The following BICRA variants were observed in gnomAD, a reference collection of about 807,000 sequenced individuals.
BICRA encodes BRD4 interacting chromatin remodeling complex associated protein.
In BICRA, 31 loss-of-function variants were observed where a neutral mutation model predicts 96.9. The ratio of observed to expected loss-of-function variants is 0.32; its 90% CI spans 0.24 to 0.43. The LOEUF (loss-of-function observed/expected upper bound fraction) is 0.43. BICRA is among the 20% of genes least tolerant of loss of function. The probability of loss-of-function intolerance (pLI) is 1.00; values close to 1 mark genes in which losing one functional copy is unlikely to be tolerated. For synonymous variants in BICRA, 1,350 were observed against 1,071.8 expected, an observed-to-expected ratio of 1.26 and a Z score of -5.07; for missense variants, 2,283 against 2,190.3, an observed-to-expected ratio of 1.04 and a Z score of -0.84.
chr19:47,645,564 A>G (rs1972447205), intron 1 of BICRA, among the ~76,000 whole-genome samples: 1 of 152,230 alleles, frequency 6.6e-6, no homozygotes, highest in Non-Finnish European at 1.5e-5. Flanking sequence ...AAAAGGTCAT[A>G]GAGGATCATT....
At chr19:47,632,227 A>G (rs905925690) in intron 1 of BICRA, among the ~76,000 whole-genome samples, 1 of 152,212 alleles carries the variant, frequency 6.6e-6, no homozygotes, top group African/African-American at 2.4e-5. Flanking sequence ...GGGAGCGAGC[A>G]TTTAGACTTT....
intron 1 of BICRA, among the ~76,000 whole-genome samples, chr19:47,626,716 G>A (rs1298231339): frequency 9.3e-6 from 1 of 108,012 alleles, no homozygotes; most frequent in Non-Finnish European, 1.9e-5. Flanking sequence ...CTGCATCCTG[G>A]GTTTTTTTTT....
At chr19:47,685,786 T>TGTGTGTGTGTGTGTGTGTGTGC in intron 7 of BICRA, among the ~76,000 whole-genome samples, 8 of 117,966 alleles carry the variant, frequency 6.8e-5, no homozygotes, top group East Asian at 3.5e-4. Context: ...TGTGTGTGTG[T>TGTGTGTGTGTGTGTGTGTGTGC]GCGCGCGCGC....
Position 47,675,892 on chromosome 19 carries a change from A to G in BICRA, c.126A>G (p.Gln42=), listed in dbSNP as rs763839438. The change falls in exon 5 of 15, where the codon CAA becomes CAG. Residue 42 remains glutamine, a synonymous_variant. Transcript: ENST00000594866. This position sits in a 1 kb window ranked among gnomAD's most constrained non-coding sequence, Gnocchi z 4.7. The part of the protein sequence containing the change: ...DDLLDNPGEA[Q]SAFYEGPGLH... ...TCCTGGATAATCCCGGGGAGGCCCAAAGTGCCTTCTATGAAGGTCCTGGGG... is the reference window on the plus strand; with the variant it reads ...TCCTGGATAATCCCGGGGAGGCCCAGAGTGCCTTCTATGAAGGTCCTGGGG... 11 of 1,608,542 alleles carry G rather than the reference A, an allele frequency of 6.8e-6. No individual in the cohort carries two copies. Among genetic ancestry groups the G allele is most frequent in the South Asian group, 1.1e-5 (1 of 90,044 alleles).
intron 8 of BICRA, 36 bp downstream of exon 8, chr19:47,694,762 C>T (rs956030864): frequency 4.4e-6 from 5 of 1,136,654 alleles, no homozygotes; most frequent in Non-Finnish European, 6.4e-6. Context: ...CCCATCAGCC[C>T]CATCCCATCC....
At chr19:47,640,824 A>G (rs991933311) in intron 1 of BICRA, among the ~76,000 whole-genome samples, 1 of 150,916 alleles carries the variant, frequency 6.6e-6, no homozygotes, top group African/African-American at 2.4e-5. Flanking sequence ...ATTTGAAAAC[A>G]CTTACCCAGT....
chr19:47,679,058 C>A (rs951160335), intron 5 of BICRA: 18 of 325,198 alleles, frequency 5.5e-5, no homozygotes, highest in Non-Finnish European at 8.3e-5. Flanking sequence ...ATGCTGCCAC[C>A]CCTGACTAAT....
Position 47,694,505 on chromosome 19 carries a change from T to A in BICRA, c.2674T>A (p.Ser892Thr). Residue 892 changes from serine to threonine, a missense_variant, in exon 8 of 15, where the codon TCT becomes ACT. Coordinates refer to ENST00000594866, the MANE Select transcript of BICRA (RefSeq NM_001394372.1). Reference sequence around the variant, plus strand: ...CACCTCCTCTGCTGTGGCCTCCTCCTCTGAGACGTCCTCCAGGTTGCCAGC... The same window carrying A: ...CACCTCCTCTGCTGTGGCCTCCTCCACTGAGACGTCCTCCAGGTTGCCAGC... Reference protein sequence around the residue: ...SSTSSAVASSSETSSRLPAPT... With the variant: ...SSTSSAVASSTETSSRLPAPT... The A allele has an allele frequency of 7.7e-7, 1 of 1,301,208 alleles. No homozygotes were observed. Among genetic ancestry groups the A allele is most frequent in the Non-Finnish European group, 1.0e-6 (1 of 989,884 alleles). The allele number at this position is 1,301,208 out of a possible 1,614,324, so 80.6% of individuals were successfully genotyped here. A position where few individuals can be genotyped will look rare whatever the true frequency, so the allele number is the denominator to read the frequency against.
In BICRA at chr19:47,701,391, G is replaced by A. The variant is rs773367025; in HGVS notation, c.3659G>A (p.Arg1220Gln). The stretch of plus-strand genomic sequence containing the variant: ...ATCGCAGCCTCTTCCGAGGGTCATC[G>A]GCTTCCCGGCCACGGCCCCCTGTCG... Reference protein sequence around the residue: ...LPIAASSEGHRLPGHGPLSSS... With the variant: ...LPIAASSEGHQLPGHGPLSSS... The change falls in exon 15 of 15, where the codon CGG becomes CAG. Residue 1220 changes from arginine (R) to glutamine (Q), a missense_variant. Physicochemically the swap from Arg to Gln is conservative, Grantham distance 43 (BLOSUM62 1). Transcript: ENST00000594866. The surrounding 1 kb of genome is among the most constrained non-coding windows in gnomAD (Gnocchi z 5.4). 8.4e-5 allele frequency: 135 copies of A among 1,607,020 alleles called. No homozygotes were observed. Among genetic ancestry groups the A allele is most frequent in the Non-Finnish European group, 1.0e-4 (123 of 1,177,520 alleles).
Position 47,679,901 on chromosome 19 carries a change from C to A in BICRA, c.731C>A (p.Ala244Glu). The change falls in exon 6 of 15, where the codon GCG becomes GAG. Residue 244 changes from alanine (A) to glutamate (E), a missense_variant. Transcript: ENST00000594866. ...CAGGTGGTGGGCCAGCCCGTCATGG[C>A]GCTCAACACGCCCACCTCCCAGCTC... is the stretch of plus-strand genomic sequence containing the variant. ...PIQVVGQPVM[A>E]LNTPTSQLLA... 6.6e-7 allele frequency: 1 copy of A among 1,521,644 alleles called. No individual in the cohort carries two copies. Among genetic ancestry groups the A allele is most frequent in the Non-Finnish European group, 8.8e-7 (1 of 1,141,176 alleles). 94.3% of individuals were successfully genotyped at this position (1,521,644 alleles called of 1,614,324 possible). A position where few individuals can be genotyped will look rare whatever the true frequency, so the allele number is the denominator to read the frequency against.
chr19:47,637,327 G>A (rs958687250), intron 1 of BICRA, among the ~76,000 whole-genome samples: 1 of 151,904 alleles, frequency 6.6e-6, no homozygotes. Flanking sequence ...CACCATGTTA[G>A]CCAGGATGGT....
Position 47,694,379 on chromosome 19 carries a change from CCG to C in BICRA, c.2549_2550del (p.Pro850ArgfsTer20). Reference protein sequence around the residue: ...QLGVPPPASNPAPTAPGPPQP... With the variant: ...QLGVPPPASNXAPTAPGPPQP... The stretch of plus-strand genomic sequence containing the variant: ...AGGCGTTCCCCCGCCTGCCAGCAAC[CCG>C]GCCCCTACTGCCCCAGGCCCGCCGC... On this transcript the variant is annotated frameshift_variant, in exon 8 of 15. Transcript: ENST00000594866. LOFTEE classifies it high-confidence loss of function. 1 of 1,234,174 alleles carries C rather than the reference CCG, an allele frequency of 8.1e-7. No individual in the cohort carries two copies. Among genetic ancestry groups the C allele is most frequent in the Non-Finnish European group, 1.2e-6 (1 of 858,028 alleles). 76.5% of individuals were successfully genotyped at this position (1,234,174 alleles called of 1,614,324 possible).
chr19:47,624,069 T>G (rs1486605731), intron 1 of BICRA, among the ~76,000 whole-genome samples: 1 of 152,094 alleles, frequency 6.6e-6, no homozygotes, highest in African/African-American at 2.4e-5. Flanking sequence ...CAGGCTGGTC[T>G]TGAACTCCCG....
At position 47,694,676 on chromosome 19, in the gene BICRA, C is replaced by G. The variant is rs781434153; in HGVS notation, c.2845C>G (p.Pro949Ala). The change falls in exon 8 of 15, where the codon CCC becomes GCC. Residue 949 changes from proline to alanine, a missense_variant. Transcript: ENST00000594866. ...PPRTFQMVTT[P>A]FPALPQPKAL... Reference sequence around the variant, plus strand: ...TCGGACCTTCCAGATGGTGACCACCCCCTTCCCAGCGCTGCCCCAGCCGAA... The same window carrying G: ...TCGGACCTTCCAGATGGTGACCACCGCCTTCCCAGCGCTGCCCCAGCCGAA... 1 of 1,596,586 alleles carries G rather than the reference C, an allele frequency of 6.3e-7. No homozygotes were observed. The highest frequency in any genetic ancestry group is 1.1e-5 in the South Asian group (1 of 90,094).
chr19:47,650,809 G>A (rs1297086010), intron 1 of BICRA, among the ~76,000 whole-genome samples: 1 of 152,084 alleles, frequency 6.6e-6, no homozygotes, highest in Non-Finnish European at 1.5e-5. Flanking sequence ...CACTGAAGAG[G>A]GCAGTGGATG....
intron 1 of BICRA, among the ~76,000 whole-genome samples, chr19:47,646,441 ACACG>A: frequency 7.9e-5 from 1 of 12,628 alleles, no homozygotes; most frequent in South Asian, 3.5e-3. Context: ...GCACACAGAC[ACACG>A]TGTGCGCGCA....
intron 11 of BICRA, 71 bp downstream of exon 11, chr19:47,696,583 C>T: frequency 6.9e-7 from 1 of 1,446,056 alleles, no homozygotes; most frequent in East Asian, 2.5e-5. Flanking sequence ...TGGGGCCACC[C>T]TCCAGAAGCA....
chr19:47,630,937 G>A (rs549803782), intron 1 of BICRA, among the ~76,000 whole-genome samples: 58 of 152,214 alleles, frequency 3.8e-4, no homozygotes, highest in South Asian at 8.3e-4. Context: ...CCCACACGAA[G>A]TTTTCAAAAT....
chr19:47,669,858 G>A (rs186637073), intron 1 of BICRA, among the ~76,000 whole-genome samples: 2,813 of 151,836 alleles, frequency 0.019, 72 homozygotes, highest in African/African-American at 0.064. Flanking sequence ...GGGTTTCACC[G>A]GGTTAGCCAG....
Sources: gnomAD v4.1 joint callset for allele counts (sites outside exome capture counted in the v4.1 genomes callset) on GRCh38, gnomAD v4.1.1 for gene constraint, Gnocchi (gnomAD v3.1) non-coding constraint, MANE v1.5 for transcripts, NCBI Gene and HGNC (gene_info 2026-07-23, HGNC 2026-07-21) for gene names.